The following DOCK3 variants were observed in gnomAD, a reference collection of about 807,000 sequenced individuals.
DOCK3 encodes the protein dedicator of cytokinesis 3.
Under a neutral mutation model 265.6 loss-of-function variants are expected in DOCK3, and 60 were observed. The observed-to-expected ratio is 0.23, with a 90% CI of 0.18 to 0.28. The LOEUF (loss-of-function observed/expected upper bound fraction) is 0.28, where lower values mean the gene tolerates loss of function less well. Among genes scored for constraint, DOCK3 ranks in the 10% least tolerant of loss-of-function variants. The pLI, the probability that DOCK3 is intolerant of heterozygous loss-of-function variation, is 1.00. For synonymous variants in DOCK3, 881 were observed against 938.0 expected (o/e 0.94, Z 1.11); for missense variants, 1,981 against 2,594.3 (o/e 0.76, Z 5.14).
rs866840446 is a variant in DOCK3 at position 51,179,118 on chromosome 3, C to T, written c.1037+18416C>T. On this transcript the variant is annotated intron_variant, in intron 12 of 52. Transcript: ENST00000266037. ...TTCCATCTCACCAGGCCATATTGTC[C>T]TCCCAGCTGTAAACACATTTTTTTG... Among the ~76,000 whole-genome samples, 5 of 152,210 alleles carry T rather than the reference C, an allele frequency of 3.3e-5. No individual in the cohort carries two copies. In the South Asian group the frequency reaches 8.3e-4, roughly 25 times the overall value.
At chr3:50,909,550 G>A (rs1378153896) in intron 4 of DOCK3, among the ~76,000 whole-genome samples, 1 of 151,588 alleles carries the variant, frequency 6.6e-6, no homozygotes, top group Non-Finnish European at 1.5e-5. Context: ...AATCTCTTCT[G>A]GCTTGTAGGG....
intron 12 of DOCK3, among the ~76,000 whole-genome samples, chr3:51,180,523 T>A (rs1022399450): frequency 5.3e-5 from 8 of 152,154 alleles, no homozygotes; most frequent in Non-Finnish European, 8.8e-5. Context: ...ATCACTCCTG[T>A]CTGCTTCTTT....
At chr3:51,260,771 C>T (rs940810745) in intron 23 of DOCK3, among the ~76,000 whole-genome samples, 5 of 152,060 alleles carry the variant, frequency 3.3e-5, no homozygotes. Flanking sequence ...TGCTTGAGCT[C>T]AGGAGTTCAA....
rs1275690831 is a variant in DOCK3, at chr3:51,348,866, G to A, written c.3930G>A (p.Gly1310=). ...YFNKGKSWEF[G]IPLCRELACQ... is the part of the protein sequence containing the mutation. ...TTCTGACACAGAGCTGGGAGTTTGG[G>A]ATCCCACTGTGCAGGGAGCTGGCGT... The change falls in exon 39 of 53, where the codon GGG becomes GGA. Residue 1310 remains glycine, a synonymous_variant. Transcript: ENST00000266037. 1.3e-6 allele frequency: 2 copies of A among 1,581,390 alleles called. No individual in the cohort carries two copies. The highest frequency in any genetic ancestry group is 1.7e-6 in the Non-Finnish European group (2 of 1,163,490).
In DOCK3 at chr3:50,675,137, C is replaced by A; in HGVS notation, c.-127C>A. On this transcript the variant is annotated 5_prime_UTR_variant, in exon 1 of 53. Coordinates refer to ENST00000266037, the MANE Select transcript of DOCK3 (RefSeq NM_004947.5). The surrounding 1 kb of genome is among the most constrained non-coding windows in gnomAD (Gnocchi z 6.1). ...CCCGGACGGCCTGTGAGGGATGCGC[C>A]GCCCACTGCCCCGCGCCGCCTGACC... The A allele has an allele frequency of 1.7e-6, 1 of 595,130 alleles. No individual in the cohort carries two copies. The highest frequency in any genetic ancestry group is 2.0e-5 in the African/African-American group (1 of 49,548). The allele number at this position is 595,130 out of a possible 1,614,324, so 36.9% of individuals were successfully genotyped here.
intron 33 of DOCK3, among the ~76,000 whole-genome samples, chr3:51,331,964 C>T (rs2084548944): frequency 6.6e-6 from 1 of 152,120 alleles, no homozygotes; most frequent in Non-Finnish European, 1.5e-5. Flanking sequence ...CGGATAAAGC[C>T]ACAGAAGTCA....
chr3:50,987,398 C>G (rs1426950812), intron 5 of DOCK3, among the ~76,000 whole-genome samples: 3 of 152,028 alleles, frequency 2.0e-5, no homozygotes, highest in Admixed American at 1.3e-4. Context: ...TTATTTAATC[C>G]TTAGAACAAT....
At chr3:51,000,449 C>T (rs1167856671) in intron 5 of DOCK3, among the ~76,000 whole-genome samples, 8 of 152,224 alleles carry the variant, frequency 5.3e-5, no homozygotes. Context: ...ACTGCTACCA[C>T]TGCTTTAAGA....
At chr3:51,331,867 C>A (rs1028195153) in intron 33 of DOCK3, among the ~76,000 whole-genome samples, 2 of 152,212 alleles carry the variant, frequency 1.3e-5, no homozygotes, top group African/African-American at 4.8e-5. Flanking sequence ...ATTTTCCATG[C>A]TTGTGTGCTC....
chr3:50,782,074 T>G (rs2041943045), intron 2 of DOCK3, among the ~76,000 whole-genome samples: 1 of 152,194 alleles, frequency 6.6e-6, no homozygotes, highest in African/African-American at 2.4e-5. Context: ...TGAATAGTGC[T>G]GCAGTGAACA....
intron 5 of DOCK3, among the ~76,000 whole-genome samples, chr3:51,029,809 A>G (rs1342839351): frequency 6.6e-6 from 1 of 152,176 alleles, no homozygotes; most frequent in East Asian, 1.9e-4. Context: ...AGAATCTCTC[A>G]TCAGGGCAGT....
intron 5 of DOCK3, among the ~76,000 whole-genome samples, chr3:50,975,347 T>G (rs955161146): frequency 6.6e-6 from 1 of 151,114 alleles, no homozygotes; most frequent in African/African-American, 2.4e-5. Flanking sequence ...GTTTTTAGCA[T>G]GAAGGGTTGT....
intron 7 of DOCK3, among the ~76,000 whole-genome samples, chr3:51,076,670 C>G (rs1560027741): frequency 6.6e-6 from 1 of 152,128 alleles, no homozygotes; most frequent in East Asian, 1.9e-4. Context: ...AAACTCTACT[C>G]TAGTGGAATC....
At chr3:51,109,514 A>G (rs1281629007) in intron 9 of DOCK3, among the ~76,000 whole-genome samples, 3 of 152,180 alleles carry the variant, frequency 2.0e-5, no homozygotes, top group African/African-American at 7.2e-5. Flanking sequence ...ACCAATACCA[A>G]AATCAGATCT....
intron 2 of DOCK3, among the ~76,000 whole-genome samples, chr3:50,819,233 G>C (rs1227409397): frequency 2.0e-5 from 3 of 152,084 alleles, no homozygotes; most frequent in Non-Finnish European, 2.9e-5. Flanking sequence ...AGTTTACCTG[G>C]AGCATTTCCA....
chr3:50,750,279 A>T (rs1465215004), intron 1 of DOCK3, among the ~76,000 whole-genome samples: 1 of 151,776 alleles, frequency 6.6e-6, no homozygotes, highest in East Asian at 1.9e-4. Context: ...GTGCCAAAAA[A>T]GGTTGGGGAC....
At chr3:51,301,810 T>G (rs1340628418) in intron 27 of DOCK3, among the ~76,000 whole-genome samples, 1 of 152,176 alleles carries the variant, frequency 6.6e-6, no homozygotes, top group Non-Finnish European at 1.5e-5. Flanking sequence ...TTGTTATTAT[T>G]TCATTTCTTT....
chr3:50,970,408 C>T (rs2077163682), intron 5 of DOCK3, among the ~76,000 whole-genome samples: 1 of 152,074 alleles, frequency 6.6e-6, no homozygotes, highest in South Asian at 2.1e-4. Flanking sequence ...TCTTTTTCTT[C>T]TCCATTTGGA....
chr3:51,050,602 C>T (rs1201990362), intron 5 of DOCK3, among the ~76,000 whole-genome samples: 1 of 152,160 alleles, frequency 6.6e-6, no homozygotes, highest in Non-Finnish European at 1.5e-5. Flanking sequence ...CCAGGAAGGC[C>T]GGTGGTATAA....
Sources: gnomAD v4.1 joint callset for allele counts (sites outside exome capture counted in the v4.1 genomes callset) on GRCh38, gnomAD v4.1.1 for gene constraint, Gnocchi (gnomAD v3.1) non-coding constraint, MANE v1.5 for transcripts, NCBI Gene and HGNC (gene_info 2026-07-23, HGNC 2026-07-21) for gene names.